The following UBTD2 variants were observed in gnomAD, a reference collection of about 807,000 sequenced individuals.
The protein encoded by UBTD2 is ubiquitin domain containing 2, also known as ubiquitin domain-containing protein 2.
Under a neutral mutation model 19.8 loss-of-function variants are expected in UBTD2, and 9 were observed. That is an observed-to-expected ratio of 0.46 (90% confidence interval 0.27 to 0.79). The LOEUF is 0.79. Among genes scored for constraint, UBTD2 ranks in the 30% least tolerant of loss-of-function variants. The pLI is 0.14. For synonymous variants in UBTD2, 98 were observed against 103.9 expected, an observed-to-expected ratio of 0.94 and a Z score of 0.35; for missense variants, 250 against 300.4, an observed-to-expected ratio of 0.83 and a Z score of 1.24.
chr5:172,231,922 C>G (rs1771908934), intron 2 of UBTD2, among the ~76,000 whole-genome samples: 1 of 152,126 alleles, frequency 6.6e-6, no homozygotes. Context: ...CCTCCCAACC[C>G]ACAATCACAT....
intron 2 of UBTD2, among the ~76,000 whole-genome samples, chr5:172,215,181 T>C (rs939087343): frequency 6.6e-6 from 1 of 152,186 alleles, no homozygotes; most frequent in South Asian, 2.1e-4. Context: ...GGAAGAGTGA[T>C]ACCTTCCTGA....
At chr5:172,246,331 C>A (rs1051181128) in intron 1 of UBTD2, among the ~76,000 whole-genome samples, 3 of 151,212 alleles carry the variant, frequency 2.0e-5, no homozygotes, top group Non-Finnish European at 1.5e-5. Flanking sequence ...GAAAAAAAAC[C>A]GGAGGGAACA....
At chr5:172,238,721 C>T (rs1484182821) in intron 1 of UBTD2, among the ~76,000 whole-genome samples, 2 of 152,178 alleles carry the variant, frequency 1.3e-5, no homozygotes, top group African/African-American at 4.8e-5. Context: ...TGGTAAAAAA[C>T]AATCAATTCT....
chr5:172,234,644 C>T (rs1459593293), intron 1 of UBTD2, among the ~76,000 whole-genome samples: 1 of 152,200 alleles, frequency 6.6e-6, no homozygotes, highest in African/African-American at 2.4e-5. Context: ...AGTAGCTCAA[C>T]ACCTGTAATC....
At chr5:172,223,063 C>T (rs1486562549) in intron 2 of UBTD2, among the ~76,000 whole-genome samples, 1 of 152,070 alleles carries the variant, frequency 6.6e-6, no homozygotes, top group Non-Finnish European at 1.5e-5. Context: ...AGACAACTGG[C>T]AGAACCAAAT....
At chr5:172,241,197 C>G (rs994249567) in intron 1 of UBTD2, among the ~76,000 whole-genome samples, 1 of 151,760 alleles carries the variant, frequency 6.6e-6, no homozygotes, top group East Asian at 1.9e-4. Context: ...GTGGATCACC[C>G]GAGGTCAGGA....
intron 2 of UBTD2, among the ~76,000 whole-genome samples, chr5:172,231,863 G>A (rs1771908197): frequency 6.6e-6 from 1 of 152,124 alleles, no homozygotes; most frequent in African/African-American, 2.4e-5. Context: ...ATGTGAAGAC[G>A]ATAATTACAA....
chr5:172,254,815 T>G lies in UBTD2; in HGVS notation c.71-20457A>C, dbSNP rs1019623279. On this transcript the variant is annotated intron_variant, in intron 1 of 2. Coordinates refer to ENST00000393792, the MANE Select transcript of UBTD2 (RefSeq NM_152277.3). ...TCTGTGGTTCAATCCCAGGTTCTAT[T>G]TTAATTTTTTTCTCTGGTACAGGAT... The G allele has an allele frequency of 3.1e-5, 17 of 549,626 alleles. No homozygotes were observed. The East Asian group carries it at 6.0e-4, about 19-fold the overall frequency. The allele number at this position is 549,626 out of a possible 1,614,324, so 34.0% of individuals were successfully genotyped here.
intron 1 of UBTD2, among the ~76,000 whole-genome samples, chr5:172,280,153 G>A (rs576337626): frequency 7.3e-5 from 11 of 151,170 alleles, no homozygotes; most frequent in Admixed American, 2.0e-4. Context: ...TGGAAGCTTA[G>A]AACTGTTAAA....
chr5:172,252,310 G>T (rs974632473), intron 1 of UBTD2: 1 of 152,214 alleles, frequency 6.6e-6, no homozygotes, highest in Admixed American at 6.5e-5. Flanking sequence ...GGATGGCACA[G>T]AAGTTGGCCT....
intron 1 of UBTD2, chr5:172,255,254 G>A (rs1755117073): frequency 2.2e-6 from 1 of 460,778 alleles, no homozygotes; most frequent in Non-Finnish European, 4.4e-6. Flanking sequence ...AAGTCCACTG[G>A]CTCCATCTGT....
chr5:172,273,590 CAAAAAAAA>C (rs35687001), intron 1 of UBTD2, among the ~76,000 whole-genome samples: 32 of 36,414 alleles, frequency 8.8e-4, no homozygotes, highest in African/African-American at 3.2e-3. Context: ...GACTCCGTCT[CAAAAAAAA>C]AAAAAAAAAA....
At chr5:172,278,362 A>G (rs1755647918) in intron 1 of UBTD2, among the ~76,000 whole-genome samples, 1 of 152,112 alleles carries the variant, frequency 6.6e-6, no homozygotes, top group Non-Finnish European at 1.5e-5. Context: ...TACTAAAAAT[A>G]CAAAAAATTA....
intron 1 of UBTD2, chr5:172,252,360 T>C (rs533798525): frequency 1.8e-4 from 27 of 152,286 alleles, no homozygotes; most frequent in African/African-American, 5.1e-4. Flanking sequence ...GAGGATAGAA[T>C]TGGCAGACAG....
intron 1 of UBTD2, among the ~76,000 whole-genome samples, chr5:172,273,508 T>C (rs1469377650): frequency 1.3e-5 from 2 of 148,850 alleles, no homozygotes; most frequent in Non-Finnish European, 3.0e-5. Context: ...GGAGAATCGC[T>C]TGAACCTGGG....
At chr5:172,255,573 T>G (rs1475851540) in intron 1 of UBTD2, 6 of 255,920 alleles carry the variant, frequency 2.3e-5, no homozygotes, top group Non-Finnish European at 4.8e-5. Flanking sequence ...CCGGGCGGCG[T>G]TGACGGCAGG....
intron 1 of UBTD2, among the ~76,000 whole-genome samples, chr5:172,265,488 C>T (rs1206400729): frequency 6.6e-6 from 1 of 152,006 alleles, no homozygotes; most frequent in Non-Finnish European, 1.5e-5. Context: ...GCGCCCACCA[C>T]CCCGGCTAAT....
At chr5:172,277,331 G>C (rs1469678790) in intron 1 of UBTD2, among the ~76,000 whole-genome samples, 1 of 152,078 alleles carries the variant, frequency 6.6e-6, no homozygotes, top group Non-Finnish European at 1.5e-5. Flanking sequence ...ATACATCAGT[G>C]AAAGGTTACT....
At chr5:172,280,915 GA>G (rs1755701715) in intron 1 of UBTD2, among the ~76,000 whole-genome samples, 1 of 152,146 alleles carries the variant, frequency 6.6e-6, no homozygotes, top group Admixed American at 6.6e-5. Flanking sequence ...GCATACATAA[GA>G]GATGGATTCA....
Sources: gnomAD v4.1 joint callset for allele counts (sites outside exome capture counted in the v4.1 genomes callset) on GRCh38, gnomAD v4.1.1 for gene constraint, MANE v1.5 for transcripts, NCBI Gene and HGNC (gene_info 2026-07-23, HGNC 2026-07-21) for gene names.